Variants in LIN54 observed in about 807,000 individuals in gnomAD.
LIN54 encodes lin-54 DREAM MuvB core complex component.
A neutral mutation model predicts 78.7 loss-of-function variants in LIN54; 9 were observed. That is an observed-to-expected ratio of 0.11 (90% CI 0.07 to 0.20). The LOEUF (loss-of-function observed/expected upper bound fraction) is 0.20, where lower values mean the gene tolerates loss of function less well. Ranked by LOEUF, LIN54 falls within the 10% of genes least tolerant of loss-of-function variation. The probability of loss-of-function intolerance (pLI) is 1.00; values close to 1 mark genes in which losing one functional copy is unlikely to be tolerated. For missense variants in LIN54, 573 were observed against 889.9 expected, an observed-to-expected ratio of 0.64 and a Z score of 4.53; for synonymous variants, 269 against 318.4, an observed-to-expected ratio of 0.84 and a Z score of 1.65.
At chr4:83,001,868 AAGG>A (rs1437863711) in intron 1 of LIN54, among the ~76,000 whole-genome samples, 460 of 936 alleles carry the variant, frequency 0.49, 125 homozygotes, top group Middle Eastern at 1. Flanking sequence ...AAAGGATAGG[AAGG>A]AAGGAAGGAA....
chr4:82,995,657 G>A lies in LIN54; in HGVS notation c.-32-10781C>T, dbSNP rs185032619. Among the ~76,000 whole-genome samples the A allele has an allele frequency of 4.1e-3, 614 of 151,054 alleles. 15 individuals are homozygous for A. The highest frequency in any genetic ancestry group is 1.3e-3 in the Non-Finnish European group (86 of 67,686). On this transcript the variant is annotated intron_variant, in intron 1 of 12. Transcript: ENST00000340417. The stretch of plus-strand genomic sequence containing the variant: ...ACTACAGGTGCGTGCCACCACACCC[G>A]GCTAATTTTTTGTATTTTTAGTAAA...
At chr4:82,967,657 T>C (rs1357526858) in intron 4 of LIN54, among the ~76,000 whole-genome samples, 1 of 152,110 alleles carries the variant, frequency 6.6e-6, no homozygotes, top group Non-Finnish European at 1.5e-5. Flanking sequence ...GAGTACACCA[T>C]ATCCCTGACA....
intron 4 of LIN54, among the ~76,000 whole-genome samples, chr4:82,969,561 C>T (rs1006448668): frequency 5.3e-5 from 8 of 152,106 alleles, no homozygotes; most frequent in African/African-American, 1.9e-4. Flanking sequence ...GAAACCAACA[C>T]CTGGACTTTA....
Position 82,928,174 on chromosome 4 carries a change from G to A in LIN54, c.2178C>T (p.Phe726=), listed in dbSNP as rs548485601. ...AAAERMILEE[F]GRCLMSVINS... ...TGATGACACTCATCAAACATCGTCC[G>A]AATTCCTCAAGTATCATCCGTTCCG... The change falls in exon 13 of 13, where the codon TTC becomes TTT. Residue 726 remains phenylalanine (F), a synonymous_variant. Coordinates refer to ENST00000340417, the MANE Select transcript of LIN54 (RefSeq NM_194282.4). 12 of 1,614,216 alleles carry A rather than the reference G, an allele frequency of 7.4e-6. No homozygotes were observed. Among genetic ancestry groups the A allele is most frequent in the Admixed American group, 6.7e-5 (4 of 60,028 alleles).
intron 1 of LIN54, among the ~76,000 whole-genome samples, chr4:82,998,699 T>C (rs1160325747): frequency 6.6e-6 from 1 of 152,068 alleles, no homozygotes; most frequent in Non-Finnish European, 1.5e-5. Flanking sequence ...AGGGTCCACT[T>C]ACACGCATTT....
intron 1 of LIN54, among the ~76,000 whole-genome samples, chr4:82,998,185 T>C (rs1423003609): frequency 1.3e-5 from 2 of 151,764 alleles, no homozygotes; most frequent in Non-Finnish European, 2.9e-5. Flanking sequence ...GTTTTCATTC[T>C]TGTACATAAA....
intron 1 of LIN54, among the ~76,000 whole-genome samples, chr4:82,988,079 G>A (rs1452448315): frequency 6.6e-6 from 1 of 152,120 alleles, no homozygotes; most frequent in African/African-American, 2.4e-5. Flanking sequence ...CACTCTGACT[G>A]GCATGAGATG....
chr4:82,986,090 T>C (rs886322201), intron 1 of LIN54, among the ~76,000 whole-genome samples: 8 of 152,220 alleles, frequency 5.3e-5, no homozygotes, highest in East Asian at 1.9e-4. Context: ...CAAAGATCCA[T>C]AGGAACCAAA....
intron 4 of LIN54, among the ~76,000 whole-genome samples, chr4:82,961,995 C>T (rs369395409): frequency 6.6e-6 from 1 of 151,548 alleles, no homozygotes; most frequent in African/African-American, 2.4e-5. Flanking sequence ...ATTCATCCAA[C>T]ATTACACAAA....
At chr4:82,949,596 C>T (rs1723689346) in intron 4 of LIN54, among the ~76,000 whole-genome samples, 1 of 151,978 alleles carries the variant, frequency 6.6e-6, no homozygotes, top group Non-Finnish European at 1.5e-5. Flanking sequence ...GGGGTTTCAC[C>T]ATGTTGGCCA....
intron 5 of LIN54, among the ~76,000 whole-genome samples, chr4:82,943,116 C>G (rs1347021060): frequency 6.6e-6 from 1 of 152,122 alleles, no homozygotes; most frequent in Non-Finnish European, 1.5e-5. Context: ...ACATTACTAA[C>G]TACTACTTCA....
intron 2 of LIN54, among the ~76,000 whole-genome samples, chr4:82,980,687 T>C (rs1028601888): frequency 1.6e-4 from 24 of 152,156 alleles, no homozygotes; most frequent in Non-Finnish European, 3.4e-4. Flanking sequence ...AATACAAATT[T>C]CTCAAGTATG....
At chr4:83,004,482 G>T (rs1235518858) in intron 1 of LIN54, among the ~76,000 whole-genome samples, 1 of 151,958 alleles carries the variant, frequency 6.6e-6, no homozygotes, top group Non-Finnish European at 1.5e-5. Flanking sequence ...ATTCACTATG[G>T]AAAGAAATAC....
chr4:82,934,392 C>A (rs1236755818), intron 11 of LIN54, among the ~76,000 whole-genome samples: 3 of 152,102 alleles, frequency 2.0e-5, no homozygotes, highest in Admixed American at 1.3e-4. Flanking sequence ...GGCGACAGGG[C>A]GAGACTCCGT....
intron 4 of LIN54, among the ~76,000 whole-genome samples, chr4:82,957,970 A>G (rs369647689): frequency 6.6e-6 from 1 of 152,246 alleles, no homozygotes; most frequent in Admixed American, 6.5e-5. Context: ...TTTCCTCTGC[A>G]CTTTTATATC....
chr4:82,974,186 G>T lies in LIN54; in HGVS notation c.809-3717C>A, dbSNP rs959081423. ...GATCGCACCACTGCACTCCAGCCTGGGTGACAGAGCAAAACTCCCTCTCAA... is the reference window on the plus strand; with the variant it reads ...GATCGCACCACTGCACTCCAGCCTGTGTGACAGAGCAAAACTCCCTCTCAA... On this transcript the variant is annotated intron_variant, in intron 3 of 12. Transcript: ENST00000340417. Among the ~76,000 whole-genome samples, 13 of 151,426 alleles carry T rather than the reference G, an allele frequency of 8.6e-5. 1 individual carries two copies. Among genetic ancestry groups the T allele is most frequent in the Non-Finnish European group, 1.9e-4 (13 of 67,858 alleles).
rs755437389 is a variant in LIN54, at chr4:82,932,835, T to A, written c.1846-1690A>T. On this transcript the variant is annotated intron_variant, in intron 11 of 12. Transcript: ENST00000340417. Reference sequence around the variant, plus strand: ...AATGAAACACCATCTCAAAAAAATATATATATATATAATCTGATGGTGGGG... The same window carrying A: ...AATGAAACACCATCTCAAAAAAATAAATATATATATAATCTGATGGTGGGG... Among the ~76,000 whole-genome samples the A allele has an allele frequency of 2.6e-4, 39 of 151,998 alleles. No homozygotes were observed. The East Asian group carries it at 2.7e-3, about 11-fold the overall frequency.
chr4:82,925,531 AAG>A lies in LIN54; in HGVS notation c.*2569_*2570del, dbSNP rs76954312. On this transcript the variant is annotated 3_prime_UTR_variant, in exon 13 of 13. Transcript: ENST00000340417. ...TCTTAAAAGAAACAGTGGGGAAAAA[AAG>A]AGAAGACATATTCTCATTTCAAAGC... is the stretch of plus-strand genomic sequence containing the variant. The A allele has an allele frequency of 0.35, 53,157 of 152,268 alleles. 11,229 individuals carry two copies. Among genetic ancestry groups the A allele is most frequent in the African/African-American group, 0.59 (24,374 of 41,342 alleles). The allele number at this position is 152,268 out of a possible 1,614,324, so 9.4% of individuals were successfully genotyped here.
At position 82,927,119 on chromosome 4, in the gene LIN54, A is replaced by G. The variant is rs530190587; in HGVS notation, c.*983T>C. ...AGCTGAGATCTCACCATTGCACTCCAGCCTGGGCTACACAGCGAGACTCCG... is the reference window on the plus strand; with the variant it reads ...AGCTGAGATCTCACCATTGCACTCCGGCCTGGGCTACACAGCGAGACTCCG... On this transcript the variant is annotated 3_prime_UTR_variant, in exon 13 of 13. Transcript: ENST00000340417. The G allele has an allele frequency of 2.6e-5, 4 of 151,474 alleles. No individual in the cohort carries two copies. The highest frequency in any genetic ancestry group is 9.7e-5 in the African/African-American group (4 of 41,250). 9.4% of individuals were successfully genotyped at this position (151,474 alleles called of 1,614,324 possible). A position where few individuals can be genotyped will look rare whatever the true frequency, so the allele number is the denominator to read the frequency against.
Sources: allele counts gnomAD v4.1 joint callset (sites outside exome capture counted in the v4.1 genomes callset), GRCh38; gene constraint gnomAD v4.1.1; transcripts MANE v1.5; gene names NCBI Gene and HGNC (gene_info 2026-07-23, HGNC 2026-07-21).